Variants in ADAMTS6 observed in about 807,000 individuals in gnomAD.
ADAMTS6 encodes ADAM metallopeptidase with thrombospondin type 1 motif 6, also known as A disintegrin and metalloproteinase with thrombospondin motifs 6.
A neutral mutation model predicts 144.3 loss-of-function variants in ADAMTS6; 23 were observed. That is an observed-to-expected ratio of 0.16 (90% CI 0.11 to 0.23). The LOEUF is 0.23. Among genes scored for constraint, ADAMTS6 ranks in the 10% least tolerant of loss-of-function variants. ADAMTS6 has a pLI of 1.00. For synonymous variants in ADAMTS6, 444 were observed against 457.5 expected (o/e 0.97, Z 0.38); for missense variants, 999 against 1,379.6 (o/e 0.72, Z 4.37).
chr5:65,179,958 G>A (rs2367241), intron 22 of ADAMTS6, among the ~76,000 whole-genome samples: 9,773 of 42,510 alleles, frequency 0.23, 972 homozygotes, highest in African/African-American at 0.43. Context: ...GCACGCACGC[G>A]CACACACACA....
At chr5:65,175,371 A>G (rs1021475947) in intron 22 of ADAMTS6, among the ~76,000 whole-genome samples, 1 of 148,078 alleles carries the variant, frequency 6.8e-6, no homozygotes, top group African/African-American at 2.5e-5. Flanking sequence ...AGAAAGAGAG[A>G]AAGAGAGAAA....
At chr5:65,283,733 T>C (rs1439711832) in intron 11 of ADAMTS6, among the ~76,000 whole-genome samples, 1 of 152,150 alleles carries the variant, frequency 6.6e-6, no homozygotes, top group African/African-American at 2.4e-5. Flanking sequence ...AAGGAAAGTG[T>C]GATTCTATAA....
chr5:65,445,495 G>C (rs527430453), intron 7 of ADAMTS6, among the ~76,000 whole-genome samples: 21 of 152,130 alleles, frequency 1.4e-4, no homozygotes, highest in Admixed American at 7.9e-4. Context: ...GTGCCACCAC[G>C]CCCGACTAAT....
chr5:65,460,182 A>G lies in ADAMTS6; in HGVS notation c.619T>C (p.Cys207Arg). Residue 207 changes from cysteine to arginine, a missense_variant, in exon 4 of 25, where the codon TGT (cysteine) becomes CGT (arginine). Coordinates refer to ENST00000381055, the MANE Select transcript of ADAMTS6 (RefSeq NM_197941.4). ...QQRHLYDHSH[C>R]GVSDFTRSGK... ...CACACTCACTCACCCGAAACCCCAC[A>G]ATGAGAGTGATCATACAGATGTCGT... 1.2e-6 allele frequency: 2 copies of G among 1,613,992 alleles called. No individual in the cohort carries two copies. Among genetic ancestry groups the G allele is most frequent in the Non-Finnish European group, 1.7e-6 (2 of 1,179,934 alleles).
chr5:65,226,266 T>A, intron 15 of ADAMTS6, 47 bp from the exon 16 acceptor site: 2 of 1,594,030 alleles, frequency 1.3e-6, no homozygotes, highest in East Asian at 2.3e-5. Flanking sequence ...GTTGTCCTAA[T>A]GAACAGTGAT....
intron 9 of ADAMTS6, among the ~76,000 whole-genome samples, chr5:65,306,537 A>G (rs1459552624): frequency 6.6e-6 from 1 of 152,226 alleles, no homozygotes; most frequent in African/African-American, 2.4e-5. Flanking sequence ...TGCCTCAGAC[A>G]TCCCAGGGAT....
chr5:65,262,786 T>G (rs765652044), intron 13 of ADAMTS6, 31 bp downstream of exon 13: 1 of 1,477,998 alleles, frequency 6.8e-7, no homozygotes, highest in Non-Finnish European at 9.0e-7. Context: ...CTGTGTCTTT[T>G]TGTTGGCTCC....
intron 7 of ADAMTS6, among the ~76,000 whole-genome samples, chr5:65,406,242 C>T (rs1754470715): frequency 1.3e-5 from 2 of 152,162 alleles, no homozygotes; most frequent in African/African-American, 4.8e-5. Context: ...CAAGGGAATG[C>T]TTCCAGTTTT....
chr5:65,461,478 T>G (rs1361754599), intron 3 of ADAMTS6, among the ~76,000 whole-genome samples: 2 of 152,244 alleles, frequency 1.3e-5, no homozygotes, highest in Admixed American at 1.3e-4. Flanking sequence ...TATCTACATC[T>G]GAAATAAGAA....
intron 7 of ADAMTS6, among the ~76,000 whole-genome samples, chr5:65,405,868 T>G (rs1454436103): frequency 6.6e-6 from 1 of 152,172 alleles, no homozygotes; most frequent in Admixed American, 6.5e-5. Context: ...TCACATCCCT[T>G]GTAAGTTGGA....
rs534857055 is a variant in ADAMTS6 at position 65,420,403 on chromosome 5, C to T, written c.1073+31072G>A. 4.6e-5 allele frequency among the ~76,000 whole-genome samples: 7 copies of T among 151,876 alleles called. No homozygotes were observed. The South Asian group carries it at 6.2e-4, about 14-fold the overall frequency. ...TTCGATCTGAATTTTTTTTTTCAGA[C>T]GGAGTTTCACTCTTGTTGTCCAGGC... On this transcript the variant is annotated intron_variant, in intron 7 of 24. Transcript: ENST00000381055.
At chr5:65,323,363 C>A (rs1745825314) in intron 9 of ADAMTS6, among the ~76,000 whole-genome samples, 1 of 147,882 alleles carries the variant, frequency 6.8e-6, no homozygotes, top group South Asian at 2.1e-4. Context: ...GAGAACATGG[C>A]AGTGTTTGGT....
intron 9 of ADAMTS6, among the ~76,000 whole-genome samples, chr5:65,316,343 T>C (rs941019045): frequency 6.6e-6 from 1 of 152,206 alleles, no homozygotes; most frequent in Non-Finnish European, 1.5e-5. Flanking sequence ...ATTTATAGAA[T>C]ACTCCATCCA....
intron 2 of ADAMTS6, 138 bp downstream of exon 2, chr5:65,473,439 C>T: frequency 1.5e-6 from 1 of 664,644 alleles, no homozygotes; most frequent in Non-Finnish European, 2.6e-6. Flanking sequence ...GAAACTAATA[C>T]CGAATTGACA....
At chr5:65,370,878 G>A (rs993261954) in intron 7 of ADAMTS6, among the ~76,000 whole-genome samples, 1 of 152,224 alleles carries the variant, frequency 6.6e-6, no homozygotes, top group Non-Finnish European at 1.5e-5. Flanking sequence ...GTCCCTGTCT[G>A]ACAGCTTTGA....
intron 9 of ADAMTS6, among the ~76,000 whole-genome samples, chr5:65,303,654 A>G (rs574322808): frequency 6.6e-6 from 1 of 151,810 alleles, no homozygotes; most frequent in Non-Finnish European, 1.5e-5. Context: ...TAAGCATAAA[A>G]TATCTTTTAA....
intron 8 of ADAMTS6, among the ~76,000 whole-genome samples, chr5:65,332,593 A>G (rs1035089796): frequency 5.3e-5 from 8 of 152,048 alleles, no homozygotes; most frequent in African/African-American, 1.9e-4. Flanking sequence ...TTTACTAAAT[A>G]CATCTACATT....
chr5:65,269,845 G>T (rs998214098), intron 12 of ADAMTS6, among the ~76,000 whole-genome samples: 1 of 150,702 alleles, frequency 6.6e-6, no homozygotes, highest in African/African-American at 2.5e-5. Flanking sequence ...AGGCTGGAGG[G>T]CAATGGCGTG....
At chr5:65,219,928 T>G (rs1268798155) in intron 18 of ADAMTS6, among the ~76,000 whole-genome samples, 1 of 152,190 alleles carries the variant, frequency 6.6e-6, no homozygotes, top group Non-Finnish European at 1.5e-5. Flanking sequence ...ATGGGAGATA[T>G]CGACGTAATT....
Sources: allele counts gnomAD v4.1 joint callset (sites outside exome capture counted in the v4.1 genomes callset), GRCh38; gene constraint gnomAD v4.1.1; transcripts MANE v1.5; gene names NCBI Gene and HGNC (gene_info 2026-07-23, HGNC 2026-07-21).